The following TMTC2 variants were observed in gnomAD, a reference collection of about 807,000 sequenced individuals.
TMTC2 encodes the protein protein O-mannosyl-transferase TMTC2.
A neutral mutation model predicts 82.4 loss-of-function variants in TMTC2; 43 were observed. The observed-to-expected ratio is 0.52, with a 90% confidence interval of 0.41 to 0.67. The LOEUF (loss-of-function observed/expected upper bound fraction) is 0.67. TMTC2 is among the 30% of genes least tolerant of loss of function. The pLI, the probability that TMTC2 is intolerant of heterozygous loss-of-function variation, is 0.00. For synonymous variants in TMTC2, 408 were observed against 381.9 expected (o/e 1.07, Z -0.80); for missense variants, 919 against 1,012.4 (o/e 0.91, Z 1.25).
At chr12:82,876,097 A>ATGGTGGTGGTGGTGGTGG (rs3068166) in intron 2 of TMTC2, among the ~76,000 whole-genome samples, 18 of 113,290 alleles carry the variant, frequency 1.6e-4, no homozygotes, top group Non-Finnish European at 3.5e-5. Flanking sequence ...AGTATTCATA[A>ATGGTGGTGGTGGTGGTGG]TGGTGGTGGT....
chr12:83,117,205 T>G (rs1330036312), intron 11 of TMTC2, among the ~76,000 whole-genome samples: 1 of 151,980 alleles, frequency 6.6e-6, no homozygotes, highest in Non-Finnish European at 1.5e-5. Context: ...ACTTTGTTTT[T>G]GTTTGCTTTG....
chr12:82,963,849 A>G (rs192871811), intron 4 of TMTC2, among the ~76,000 whole-genome samples: 3,994 of 105,080 alleles, frequency 0.038, 231 homozygotes, highest in Middle Eastern at 0.1. Flanking sequence ...ATATATATAT[A>G]TGTGAAAGTG....
chr12:83,048,555 T>C (rs1882224501), intron 9 of TMTC2, among the ~76,000 whole-genome samples: 5 of 152,224 alleles, frequency 3.3e-5, no homozygotes, highest in Non-Finnish European at 7.3e-5. Flanking sequence ...CTTAAAATTT[T>C]GTCACTTGCT....
At chr12:82,943,574 T>A (rs1440902887) in intron 4 of TMTC2, among the ~76,000 whole-genome samples, 2 of 152,220 alleles carry the variant, frequency 1.3e-5, no homozygotes, top group Non-Finnish European at 2.9e-5. Flanking sequence ...TGATTGATTT[T>A]ACAGTTTAGC....
At chr12:82,940,014 C>CTTTTTTTTTTTTTTT (rs71309537) in intron 4 of TMTC2, among the ~76,000 whole-genome samples, 74 of 91,230 alleles carry the variant, frequency 8.1e-4, no homozygotes, top group Non-Finnish European at 1.1e-3. Flanking sequence ...TCTTTCTTTA[C>CTTTTTTTTTTTTTTT]TTTTTTTTTT....
intron 11 of TMTC2, among the ~76,000 whole-genome samples, chr12:83,082,947 G>A (rs900635609): frequency 2.6e-5 from 4 of 152,166 alleles, no homozygotes. Context: ...AGCAGTTTAG[G>A]CTCTGGAATC....
chr12:82,786,881 G>C (rs1292683712), intron 1 of TMTC2, among the ~76,000 whole-genome samples: 1 of 152,124 alleles, frequency 6.6e-6, no homozygotes, highest in Non-Finnish European at 1.5e-5. Flanking sequence ...CTATGCTGTA[G>C]TTGATTTATG....
intron 3 of TMTC2, among the ~76,000 whole-genome samples, chr12:82,929,329 G>A (rs1313101143): frequency 6.6e-6 from 1 of 152,140 alleles, no homozygotes; most frequent in African/African-American, 2.4e-5. Context: ...CAAAGTGCTA[G>A]TACAGGTGCA....
intron 11 of TMTC2, among the ~76,000 whole-genome samples, chr12:83,100,119 C>T: frequency 6.6e-6 from 1 of 151,954 alleles, no homozygotes; most frequent in East Asian, 1.9e-4. Context: ...GGGGTTTCAC[C>T]ATGTTGGTCA....
At chr12:82,995,914 A>C (rs761244196) in intron 8 of TMTC2, among the ~76,000 whole-genome samples, 1 of 152,158 alleles carries the variant, frequency 6.6e-6, no homozygotes, top group East Asian at 1.9e-4. Context: ...CTGGTATGAA[A>C]GTTGTGAGCC....
intron 3 of TMTC2, among the ~76,000 whole-genome samples, chr12:82,925,391 T>G (rs1044627635): frequency 3.9e-5 from 6 of 152,172 alleles, no homozygotes; most frequent in Non-Finnish European, 7.4e-5. Context: ...TAATAAATAT[T>G]TAATACATTA....
intron 11 of TMTC2, among the ~76,000 whole-genome samples, chr12:83,106,549 C>A (rs986524033): frequency 1.4e-5 from 2 of 147,330 alleles, no homozygotes; most frequent in African/African-American, 5.0e-5. Context: ...AAAAGATACA[C>A]ACCAAGTTGA....
intron 2 of TMTC2, among the ~76,000 whole-genome samples, chr12:82,873,222 T>C (rs1438036354): frequency 6.6e-6 from 1 of 151,018 alleles, no homozygotes; most frequent in Non-Finnish European, 1.5e-5. Flanking sequence ...GTTGTGTGTG[T>C]GTGTGTGTGT....
intron 1 of TMTC2, among the ~76,000 whole-genome samples, chr12:82,774,906 C>T (rs780878583): frequency 3.9e-4 from 60 of 151,976 alleles, no homozygotes; most frequent in Non-Finnish European, 1.3e-4. Context: ...GGGTGAGAAA[C>T]AGTCTTTAGG....
chr12:82,809,972 GT>G (rs1879416371), intron 1 of TMTC2, among the ~76,000 whole-genome samples: 2 of 152,034 alleles, frequency 1.3e-5, no homozygotes, highest in Non-Finnish European at 2.9e-5. Context: ...GGTCCTTTCT[GT>G]ATATATCATC....
chr12:82,955,492 T>G (rs1394196532), intron 4 of TMTC2, among the ~76,000 whole-genome samples: 1 of 152,104 alleles, frequency 6.6e-6, no homozygotes, highest in Non-Finnish European at 1.5e-5. Context: ...GACAGGGTTG[T>G]TAGGGGAGAT....
At chr12:82,791,118 C>T (rs1878450908) in intron 1 of TMTC2, among the ~76,000 whole-genome samples, 1 of 152,026 alleles carries the variant, frequency 6.6e-6, no homozygotes, top group South Asian at 2.1e-4. Flanking sequence ...ATTCTTTCTA[C>T]ATGACTTCTC....
intron 9 of TMTC2, among the ~76,000 whole-genome samples, chr12:83,040,406 C>T (rs1881844423): frequency 6.6e-6 from 1 of 152,098 alleles, no homozygotes; most frequent in African/African-American, 2.4e-5. Flanking sequence ...GGAAGGGCAG[C>T]TTGAGAACCG....
chr12:83,004,956 A>G (rs1037343485), intron 8 of TMTC2, among the ~76,000 whole-genome samples: 7 of 151,186 alleles, frequency 4.6e-5, no homozygotes, highest in Non-Finnish European at 1.0e-4. Context: ...CTTCGTGACC[A>G]GCCTGGCCAA....
Sources: gnomAD v4.1 joint callset for allele counts (sites outside exome capture counted in the v4.1 genomes callset) on GRCh38, gnomAD v4.1.1 for gene constraint, MANE v1.5 for transcripts, NCBI Gene and HGNC (gene_info 2026-07-23, HGNC 2026-07-21) for gene names.